The following RAB3C variants were observed in gnomAD, a reference collection of about 807,000 sequenced individuals.
RAB3C encodes RAB3C, member RAS oncogene family.
In RAB3C, 17 loss-of-function variants were observed where a neutral mutation model predicts 26.4. The ratio of observed to expected loss-of-function variants is 0.64; its 90% CI spans 0.44 to 0.97. The LOEUF is 0.97. Ranked by LOEUF, RAB3C falls within the 50% of genes least tolerant of loss-of-function variation. The pLI, the probability that RAB3C is intolerant of heterozygous loss-of-function variation, is 0.00. For synonymous variants in RAB3C, 91 were observed against 95.9 expected, an observed-to-expected ratio of 0.95 and a Z score of 0.30; for missense variants, 242 against 281.9, an observed-to-expected ratio of 0.86 and a Z score of 1.01.
chr5:58,582,888 T>G (rs1745929868), upstream of RAB3C, among the ~76,000 whole-genome samples: 1 of 151,210 alleles, frequency 6.6e-6, no homozygotes, highest in Non-Finnish European at 1.5e-5. Flanking sequence ...TGGAAAGGAG[T>G]AGGGAGGCTC....
In RAB3C at chr5:58,727,097, AATAC is replaced by A. The variant is rs1233221133; in HGVS notation, c.371+981_371+984del. ...TATCTTATGTAAGGAAAACTTTGAC[AATAC>A]ATAGGCAAAACAGACAGCATTCTTT... On this transcript the variant is annotated intron_variant, in intron 3 of 4. Transcript: ENST00000282878. 1.1e-4 allele frequency among the ~76,000 whole-genome samples: 16 copies of A among 148,988 alleles called. No homozygotes were observed. The South Asian group carries it at 1.5e-3, about 14-fold the overall frequency.
In RAB3C at chr5:58,662,849, T is replaced by C. The variant is rs958034470; in HGVS notation, c.252+44979T>C. Reference sequence around the variant, plus strand: ...CTCTTTTTGGATGATGGATATGCTCTATTTCTTAATTGTGGTAGTTCAATT... The same window carrying C: ...CTCTTTTTGGATGATGGATATGCTCCATTTCTTAATTGTGGTAGTTCAATT... On this transcript the variant is annotated intron_variant, in intron 2 of 4. Transcript: ENST00000282878. Among the ~76,000 whole-genome samples, 36 of 150,348 alleles carry C rather than the reference T, an allele frequency of 2.4e-4. 1 individual carries two copies. The highest frequency in any genetic ancestry group is 4.4e-5 in the Non-Finnish European group (3 of 68,024).
At chr5:58,604,532 G>A (rs891761425) in intron 1 of RAB3C, among the ~76,000 whole-genome samples, 6 of 152,126 alleles carry the variant, frequency 3.9e-5, no homozygotes, top group African/African-American at 1.4e-4. Context: ...CACTGGAGTT[G>A]TGGAAGTATT....
At chr5:58,828,279 C>G (rs998438748) in intron 4 of RAB3C, among the ~76,000 whole-genome samples, 6 of 152,158 alleles carry the variant, frequency 3.9e-5, no homozygotes, top group Non-Finnish European at 8.8e-5. Flanking sequence ...ATTTTTCTGG[C>G]TTTCCCTTTC....
chr5:58,591,962 G>A (rs181475180), intron 1 of RAB3C, among the ~76,000 whole-genome samples: 2 of 146,180 alleles, frequency 1.4e-5, no homozygotes, highest in East Asian at 2.0e-4. Flanking sequence ...GCAGTGGCAC[G>A]ATCTCGGCTC....
chr5:58,629,436 A>G (rs1263774711), intron 2 of RAB3C, among the ~76,000 whole-genome samples: 1 of 152,214 alleles, frequency 6.6e-6, no homozygotes, highest in African/African-American at 2.4e-5. Flanking sequence ...GCAAAGTGCT[A>G]GGCCATGGAG....
chr5:58,676,831 A>C (rs2111833374), intron 2 of RAB3C, among the ~76,000 whole-genome samples: 1 of 152,254 alleles, frequency 6.6e-6, no homozygotes, highest in East Asian at 1.9e-4. Context: ...TTTTAAAAAA[A>C]GTTTTAGGTA....
chr5:58,821,292 C>A (rs982705908), intron 3 of RAB3C, among the ~76,000 whole-genome samples: 1 of 152,204 alleles, frequency 6.6e-6, no homozygotes. Flanking sequence ...TAAGTGTTCT[C>A]TACCCAGGGC....
At chr5:58,621,734 C>A (rs1046810516) in intron 2 of RAB3C, among the ~76,000 whole-genome samples, 4 of 152,058 alleles carry the variant, frequency 2.6e-5, no homozygotes, top group Non-Finnish European at 4.4e-5. Context: ...TGCCAGCACA[C>A]CTGGTTAATT....
chr5:58,583,480 C>T (rs1022795753), intron 1 of RAB3C, among the ~76,000 whole-genome samples: 1 of 152,112 alleles, frequency 6.6e-6, no homozygotes, highest in African/African-American at 2.4e-5. Context: ...ATAAGAGTGT[C>T]TGTCTAAAAT....
chr5:58,712,530 A>AT lies in RAB3C; in HGVS notation c.253-13463dup, dbSNP rs574987179. 3.1e-3 allele frequency among the ~76,000 whole-genome samples: 464 copies of AT among 151,908 alleles called. 2 individuals are homozygous for AT. Among genetic ancestry groups the AT allele is most frequent in the African/African-American group, 9.0e-3 (374 of 41,430 alleles). ...AAAAAAAAGAATAGCCATTTGATAG[A>AT]TTTTTTTTTCTCGAGACAGAGTCTG... On this transcript the variant is annotated intron_variant, in intron 2 of 4. Transcript: ENST00000282878.
chr5:58,744,047 T>C (rs1741338892), intron 3 of RAB3C, among the ~76,000 whole-genome samples: 1 of 152,202 alleles, frequency 6.6e-6, no homozygotes, highest in Non-Finnish European at 1.5e-5. Flanking sequence ...GTGACTCAGA[T>C]AGACACATGG....
rs1744271654 is a variant in RAB3C at position 58,856,903 on chromosome 5, A to C, written c.*5552A>C. ...ATCCCTAGGATACGTGCTAAAGGAA[A>C]ACTGTCCTGTAATTCCTGTTAATAT... On this transcript the variant is annotated 3_prime_UTR_variant, in exon 5 of 5. Transcript: ENST00000282878. The C allele has an allele frequency of 6.6e-6, 1 of 152,218 alleles. No homozygotes were observed. The highest frequency in any genetic ancestry group is 2.1e-4 in the South Asian group (1 of 4,834). 9.4% of individuals were successfully genotyped at this position (152,218 alleles called of 1,614,324 possible). A position where few individuals can be genotyped will look rare whatever the true frequency, so the allele number is the denominator to read the frequency against.
At chr5:58,631,808 C>G (rs1036185749) in intron 2 of RAB3C, among the ~76,000 whole-genome samples, 4 of 152,164 alleles carry the variant, frequency 2.6e-5, no homozygotes, top group Non-Finnish European at 2.9e-5. Flanking sequence ...AATATTTTAT[C>G]TCTACCACTT....
In RAB3C at chr5:58,617,692, A is replaced by T. The variant is rs576424101; in HGVS notation, c.74A>T (p.Gln25Leu). The T allele has an allele frequency of 6.2e-7, 1 of 1,614,030 alleles. No homozygotes were observed. Among genetic ancestry groups the T allele is most frequent in the African/African-American group, 1.3e-5 (1 of 75,058 alleles). Residue 25 changes from glutamine to leucine, a missense_variant, in exon 2 of 5, where the codon CAG becomes CTG. Transcript: ENST00000282878. ...TACGGCCAGAAAGACTCCTCTGATC[A>T]GAACTTTGACTACATGTTCAAATTA... is the stretch of plus-strand genomic sequence containing the variant. ...ARYGQKDSSD[Q>L]NFDYMFKLLI...
chr5:58,720,403 C>T (rs1027617629), intron 2 of RAB3C, among the ~76,000 whole-genome samples: 1 of 151,906 alleles, frequency 6.6e-6, no homozygotes, highest in East Asian at 1.9e-4. Context: ...TCAGTGTTAA[C>T]ATTAAAATAT....
intron 2 of RAB3C, among the ~76,000 whole-genome samples, chr5:58,662,561 C>A (rs1747926642): frequency 6.7e-6 from 1 of 150,098 alleles, no homozygotes; most frequent in Admixed American, 6.6e-5. Flanking sequence ...GACCATTTAT[C>A]AGCTAAGAAA....
At chr5:58,766,543 A>G (rs1360305469) in intron 3 of RAB3C, among the ~76,000 whole-genome samples, 1 of 152,222 alleles carries the variant, frequency 6.6e-6, no homozygotes, top group Non-Finnish European at 1.5e-5. Flanking sequence ...ATTTCTTGAA[A>G]TTTGAGAAAG....
chr5:58,836,605 A>G (rs1045667862), intron 4 of RAB3C, among the ~76,000 whole-genome samples: 1 of 152,072 alleles, frequency 6.6e-6, no homozygotes, highest in Non-Finnish European at 1.5e-5. Context: ...AACTTTTTTT[A>G]GCTTCCCCAT....
Sources: allele counts gnomAD v4.1 joint callset (sites outside exome capture counted in the v4.1 genomes callset), GRCh38; gene constraint gnomAD v4.1.1; transcripts MANE v1.5; gene names NCBI Gene and HGNC (gene_info 2026-07-23, HGNC 2026-07-21).